Variants in PKNOX2 observed in about 807,000 individuals in gnomAD.
PKNOX2 encodes PBX/knotted 1 homeobox 2.
In PKNOX2, 14 loss-of-function variants were observed where a neutral mutation model predicts 53.1. That is an observed-to-expected ratio of 0.26 (90% CI 0.17 to 0.41). The LOEUF is 0.41. PKNOX2 is among the 10% of genes least tolerant of loss of function. The pLI, the probability that PKNOX2 is intolerant of heterozygous loss-of-function variation, is 1.00. For synonymous variants in PKNOX2, 257 were observed against 242.8 expected (o/e 1.06, Z -0.54); for missense variants, 496 against 602.8 (o/e 0.82, Z 1.85).
chr11:125,284,774 A>C (rs1214920862), intron 2 of PKNOX2, among the ~76,000 whole-genome samples: 1 of 152,126 alleles, frequency 6.6e-6, no homozygotes, highest in Non-Finnish European at 1.5e-5. Flanking sequence ...GCCTCCTCAG[A>C]GAAAGGACAC....
intron 1 of PKNOX2, among the ~76,000 whole-genome samples, chr11:125,175,314 T>G (rs1417811318): frequency 6.6e-6 from 1 of 152,222 alleles, no homozygotes; most frequent in Non-Finnish European, 1.5e-5. Context: ...CATTGGCTGC[T>G]GGCAGGGGTA....
chr11:125,369,153 T>G (rs572658626), intron 5 of PKNOX2, among the ~76,000 whole-genome samples: 6 of 152,370 alleles, frequency 3.9e-5, no homozygotes, highest in Admixed American at 6.5e-5. Flanking sequence ...GTTCCTCAGA[T>G]AAGCCGAATG....
chr11:125,172,437 C>A (rs1273445580), intron 1 of PKNOX2, among the ~76,000 whole-genome samples: 1 of 152,164 alleles, frequency 6.6e-6, no homozygotes, highest in Non-Finnish European at 1.5e-5. Flanking sequence ...AGACTATAGG[C>A]CCACATCCAG....
At chr11:125,327,915 A>G (rs1949920836) in intron 2 of PKNOX2, among the ~76,000 whole-genome samples, 2 of 152,132 alleles carry the variant, frequency 1.3e-5, no homozygotes, top group Admixed American at 6.5e-5. Flanking sequence ...TTCCTCTCTC[A>G]AATGTGTGTT....
chr11:125,186,114 G>A (rs71474135), intron 1 of PKNOX2, among the ~76,000 whole-genome samples: 2,971 of 6,074 alleles, frequency 0.49, 52 homozygotes, highest in Middle Eastern at 0.5. Flanking sequence ...GTGGTATCTC[G>A]TTATGGTTTG....
chr11:125,362,982 C>G (rs1377369816), intron 4 of PKNOX2, among the ~76,000 whole-genome samples: 2 of 152,202 alleles, frequency 1.3e-5, no homozygotes, highest in African/African-American at 4.8e-5. Flanking sequence ...AACCTTCAAA[C>G]CAAGAATCTG....
At chr11:125,389,971 C>T (rs778097748) in intron 6 of PKNOX2, among the ~76,000 whole-genome samples, 8 of 152,152 alleles carry the variant, frequency 5.3e-5, no homozygotes, top group Non-Finnish European at 1.0e-4. Context: ...GATAAGGAGG[C>T]ACCTGAAGGA....
intron 2 of PKNOX2, among the ~76,000 whole-genome samples, chr11:125,260,070 G>T (rs1310500439): frequency 2.0e-5 from 3 of 151,540 alleles, no homozygotes; most frequent in Admixed American, 6.6e-5. Context: ...TAGAGATGGG[G>T]TCTTGCTATG....
At chr11:125,393,455 CG>C (rs2135430529) in intron 6 of PKNOX2, among the ~76,000 whole-genome samples, 1 of 152,142 alleles carries the variant, frequency 6.6e-6, no homozygotes, top group Admixed American at 6.5e-5. Context: ...GCCCAGTGAC[CG>C]GGAGAGGCTG....
intron 1 of PKNOX2, among the ~76,000 whole-genome samples, chr11:125,210,570 C>T (rs897331646): frequency 2.6e-5 from 4 of 152,106 alleles, no homozygotes; most frequent in East Asian, 1.9e-4. Context: ...GAGAAAACTC[C>T]GTGGTCTTTG....
chr11:125,334,365 A>T (rs537670516), intron 3 of PKNOX2, among the ~76,000 whole-genome samples: 2 of 152,252 alleles, frequency 1.3e-5, no homozygotes, highest in East Asian at 3.9e-4. Flanking sequence ...TGGGTAAAGG[A>T]GCTGATTCCA....
chr11:125,326,524 T>C (rs1007557173), intron 2 of PKNOX2, among the ~76,000 whole-genome samples: 6 of 152,338 alleles, frequency 3.9e-5, no homozygotes, highest in African/African-American at 1.4e-4. Flanking sequence ...TGGCAAGCCA[T>C]TGTAGACTTT....
chr11:125,295,060 A>G (rs996938468), intron 2 of PKNOX2, among the ~76,000 whole-genome samples: 1 of 152,190 alleles, frequency 6.6e-6, no homozygotes, highest in Non-Finnish European at 1.5e-5. Context: ...GGCTGGCCAG[A>G]CAGTGAAGCT....
Position 125,294,337 on chromosome 11 carries a change from G to A in PKNOX2, c.-129-37482G>A, listed in dbSNP as rs986811409. On this transcript the variant is annotated intron_variant, in intron 2 of 12. Coordinates refer to ENST00000298282, the MANE Select transcript of PKNOX2 (RefSeq NM_001382323.2). Reference sequence around the variant, plus strand: ...CTTATGGAGCTTGGCGAAAAGGCACGAACCAGAGCTAGAGAAGACATTCTA... The same window carrying A: ...CTTATGGAGCTTGGCGAAAAGGCACAAACCAGAGCTAGAGAAGACATTCTA... Among the ~76,000 whole-genome samples the A allele has an allele frequency of 1.4e-4, 21 of 152,282 alleles. No homozygotes were observed. The Middle Eastern group carries it at 0.014, about 99-fold the overall frequency.
intron 4 of PKNOX2, among the ~76,000 whole-genome samples, chr11:125,364,641 G>C (rs1019202538): frequency 1.3e-5 from 2 of 152,222 alleles, no homozygotes; most frequent in African/African-American, 4.8e-5. Flanking sequence ...GAGCTGTGCA[G>C]ATGTAGCTAT....
Position 125,432,822 on chromosome 11 carries a change from C to CA in PKNOX2, c.*1431dup, listed in dbSNP as rs1350264199. On this transcript the variant is annotated 3_prime_UTR_variant, in exon 13 of 13. Coordinates refer to ENST00000298282, the MANE Select transcript of PKNOX2 (RefSeq NM_001382323.2). ...CGTGCAGTTTCATTTGTAAATTGTGCATTGGCCACCTCCTTCAGTGGCAGG... is the reference window on the plus strand; with the variant it reads ...CGTGCAGTTTCATTTGTAAATTGTGCAATTGGCCACCTCCTTCAGTGGCAGG... 1 of 152,642 alleles carries CA rather than the reference C, an allele frequency of 6.6e-6. No homozygotes were observed. Among genetic ancestry groups the CA allele is most frequent in the African/African-American group, 2.4e-5 (1 of 41,442 alleles). 9.5% of individuals were successfully genotyped at this position (152,642 alleles called of 1,614,324 possible).
chr11:125,321,248 C>T lies in PKNOX2; in HGVS notation c.-129-10571C>T, dbSNP rs186609175. Among the ~76,000 whole-genome samples, 158 of 152,302 alleles carry T rather than the reference C, an allele frequency of 1.0e-3. 1 individual carries two copies. The highest frequency in any genetic ancestry group is 3.6e-3 in the African/African-American group (149 of 41,584). ...TCAGCAAACTTTTTCTGTAAAATTT[C>T]GAACAGTAAATAGTTCAGGTCTTGT... is the stretch of plus-strand genomic sequence containing the variant. On this transcript the variant is annotated intron_variant, in intron 2 of 12. Coordinates refer to ENST00000298282, the MANE Select transcript of PKNOX2 (RefSeq NM_001382323.2).
At position 125,218,696 on chromosome 11, in the gene PKNOX2, C is replaced by T. The variant is rs147095693; in HGVS notation, c.-200-16349C>T. Among the ~76,000 whole-genome samples the T allele has an allele frequency of 4.4e-3, 674 of 152,180 alleles. 7 individuals are homozygous for T. The highest frequency in any genetic ancestry group is 0.016 in the African/African-American group (650 of 41,508). On this transcript the variant is annotated intron_variant, in intron 1 of 12. Transcript: ENST00000298282. ...TAGAGCACTGGCCTGAGCAGCAGTG[C>T]GCATGGATTAGAGGGGACCAGACCT...
At chr11:125,210,963 T>C (rs998094121) in intron 1 of PKNOX2, among the ~76,000 whole-genome samples, 1 of 152,176 alleles carries the variant, frequency 6.6e-6, no homozygotes, top group African/African-American at 2.4e-5. Context: ...TCAGTGTCCT[T>C]ATCCATAACA....
Sources: gnomAD v4.1 joint callset for allele counts (sites outside exome capture counted in the v4.1 genomes callset) on GRCh38, gnomAD v4.1.1 for gene constraint, MANE v1.5 for transcripts, NCBI Gene and HGNC (gene_info 2026-07-23, HGNC 2026-07-21) for gene names.